CSTPP1: variants seen among roughly 807,000 people sequenced by gnomAD.
CSTPP1 encodes centriolar satellite-associated tubulin polyglutamylase complex regulator 1.
At chr11:47,093,407 ATTC>A in the CSTPP1 span, among the ~76,000 whole-genome samples, 1 of 152,214 alleles carries the variant, frequency 6.6e-6, no homozygotes, top group African/African-American at 2.4e-5. Flanking sequence ...CTATTTATTC[ATTC>A]TTTCATTCAA....
chr11:47,139,629 G>A, the CSTPP1 span, among the ~76,000 whole-genome samples: 1 of 151,150 alleles, frequency 6.6e-6, no homozygotes, highest in Non-Finnish European at 1.5e-5. Context: ...AGCCGATTGT[G>A]CCACTGCACT....
the CSTPP1 span, among the ~76,000 whole-genome samples, chr11:47,145,281 C>T: frequency 0.011 from 1,727 of 152,158 alleles, 21 homozygotes; most frequent in Non-Finnish European, 0.017. Context: ...CCACCGCACC[C>T]GGCTGTATTG....
At chr11:46,965,185 A>G in the CSTPP1 span, among the ~76,000 whole-genome samples, 23 of 152,226 alleles carry the variant, frequency 1.5e-4, no homozygotes, top group Non-Finnish European at 1.6e-4. Context: ...ATTTAAAATA[A>G]CAATAATCAG....
chr11:47,164,210 G>C, the CSTPP1 span: 2 of 1,613,716 alleles, frequency 1.2e-6, no homozygotes, highest in African/African-American at 1.3e-5. Context: ...CCTCAGCTTC[G>C]GTACCGACGC....
chr11:47,122,887 A>C, the CSTPP1 span, among the ~76,000 whole-genome samples: 1 of 152,202 alleles, frequency 6.6e-6, no homozygotes. Context: ...CCAAAAAATA[A>C]ATCTTATTCT....
chr11:46,943,082 C>A, the CSTPP1 span, among the ~76,000 whole-genome samples: 6 of 152,054 alleles, frequency 3.9e-5, no homozygotes, highest in Non-Finnish European at 8.8e-5. Flanking sequence ...TCACTGTATA[C>A]CTTCTATCAT....
chr11:47,145,446 T>C, the CSTPP1 span, among the ~76,000 whole-genome samples: 1 of 151,806 alleles, frequency 6.6e-6, no homozygotes, highest in Non-Finnish European at 1.5e-5. Context: ...ACCCCATCTC[T>C]ACTAAATACA....
At chr11:47,084,125 C>T in the CSTPP1 span, among the ~76,000 whole-genome samples, 1 of 152,192 alleles carries the variant, frequency 6.6e-6, no homozygotes. Context: ...AATGAAATCT[C>T]ATTGTGGTTT....
At chr11:46,970,996 A>G in the CSTPP1 span, among the ~76,000 whole-genome samples, 1 of 152,252 alleles carries the variant, frequency 6.6e-6, no homozygotes, top group African/African-American at 2.4e-5. Flanking sequence ...TGAAAAAATG[A>G]GTTGTAGAAT....
At chr11:47,157,119 G>A in the CSTPP1 span, 81 of 1,614,074 alleles carry the variant, frequency 5.0e-5, no homozygotes, top group Middle Eastern at 1.8e-3. Context: ...GGGCAGCACC[G>A]CCAACGACCT....
chr11:47,162,506 T>C, the CSTPP1 span, among the ~76,000 whole-genome samples: 1 of 152,120 alleles, frequency 6.6e-6, no homozygotes, highest in Non-Finnish European at 1.5e-5. Context: ...ACCGTGGCCA[T>C]AAAGGGTTAA....
chr11:47,162,120 C>T, the CSTPP1 span: 1 of 986,430 alleles, frequency 1.0e-6, no homozygotes, highest in Non-Finnish European at 1.2e-6. Flanking sequence ...CAGCCAGTAG[C>T]CTTGGTAATA....
the CSTPP1 span, among the ~76,000 whole-genome samples, chr11:47,120,690 AGTT>A: frequency 6.6e-6 from 1 of 152,212 alleles, no homozygotes; most frequent in Non-Finnish European, 1.5e-5. This position sits in a 1 kb window ranked among gnomAD's most constrained non-coding sequence, Gnocchi z 4.2. Flanking sequence ...GCCTCTTGCT[AGTT>A]ACGTAACTGG....
At chr11:47,013,425 G>T in the CSTPP1 span, among the ~76,000 whole-genome samples, 2 of 152,020 alleles carry the variant, frequency 1.3e-5, no homozygotes, top group Admixed American at 1.3e-4. Flanking sequence ...ACAGACCCCA[G>T]TGTATGTTGT....
At chr11:47,069,461 A>G in the CSTPP1 span, among the ~76,000 whole-genome samples, 1 of 152,160 alleles carries the variant, frequency 6.6e-6, no homozygotes, top group Admixed American at 6.5e-5. Flanking sequence ...TTCTTCTTTC[A>G]TTGTTTTACA....
At chr11:47,024,023 A>T in the CSTPP1 span, among the ~76,000 whole-genome samples, 1 of 152,058 alleles carries the variant, frequency 6.6e-6, no homozygotes, top group Non-Finnish European at 1.5e-5. Flanking sequence ...ACTTTCTAAG[A>T]AACCAGTTTA....
the CSTPP1 span, among the ~76,000 whole-genome samples, chr11:47,111,743 C>T: frequency 6.6e-6 from 1 of 152,144 alleles, no homozygotes; most frequent in Non-Finnish European, 1.5e-5. Context: ...CTAACCCCAC[C>T]AAAGTACATA....
At chr11:46,947,653 A>G in the CSTPP1 span, among the ~76,000 whole-genome samples, 3 of 152,234 alleles carry the variant, frequency 2.0e-5, no homozygotes, top group Admixed American at 6.5e-5. Flanking sequence ...CTTTTAAAGC[A>G]CTATTCTTTG....
At chr11:47,131,675 C>T in the CSTPP1 span, among the ~76,000 whole-genome samples, 1 of 152,042 alleles carries the variant, frequency 6.6e-6, no homozygotes. Flanking sequence ...CTTTGGTTTT[C>T]ATGGAAAAAT....
Sources: allele counts gnomAD v4.1 joint callset (sites outside exome capture counted in the v4.1 genomes callset), GRCh38; gene constraint gnomAD v4.1.1; non-coding constraint Gnocchi (gnomAD v3.1); transcripts MANE v1.5; gene names NCBI Gene and HGNC (gene_info 2026-07-23, HGNC 2026-07-21).